Variants in DENND2B observed in about 807,000 individuals in gnomAD.
The protein encoded by DENND2B is DENN domain-containing protein 2B.
DENND2B carries 32 observed loss-of-function variants against 116.0 expected under a neutral mutation model. The observed-to-expected ratio is 0.28, with a 90% CI of 0.21 to 0.37. The LOEUF (loss-of-function observed/expected upper bound fraction) is 0.37, where lower values mean the gene tolerates loss of function less well. Ranked by LOEUF, DENND2B falls within the 10% of genes least tolerant of loss-of-function variation. The pLI is 1.00. For synonymous variants in DENND2B, 588 were observed against 583.9 expected (o/e 1.01, Z -0.10); for missense variants, 1,276 against 1,477.7 (o/e 0.86, Z 2.24).
chr11:8,886,134 C>T (rs2063958117), intron 1 of DENND2B, among the ~76,000 whole-genome samples: 1 of 151,982 alleles, frequency 6.6e-6, no homozygotes. Context: ...AAGGTCTCAC[C>T]ATGTTGTCCA....
chr11:8,731,637 C>G (rs1399491047), intron 2 of DENND2B, among the ~76,000 whole-genome samples: 1 of 152,112 alleles, frequency 6.6e-6, no homozygotes, highest in Non-Finnish European at 1.5e-5. Context: ...ATCGCTTGAG[C>G]CCAGCAGTTC....
chr11:8,698,166 A>G (rs7110918), intron 16 of DENND2B, among the ~76,000 whole-genome samples: 5,642 of 129,128 alleles, frequency 0.044, 452 homozygotes, highest in African/African-American at 0.13. Flanking sequence ...AAAAAAAAAA[A>G]GGGGGTAGAG....
chr11:8,818,416 G>A (rs774755399), intron 4 of DENND2B, among the ~76,000 whole-genome samples: 6 of 151,966 alleles, frequency 3.9e-5, no homozygotes, highest in Non-Finnish European at 7.4e-5. Flanking sequence ...GTATTAAGAG[G>A]AATGTGGACT....
chr11:8,728,806 G>C (rs1341821500), intron 3 of DENND2B, among the ~76,000 whole-genome samples: 2 of 152,202 alleles, frequency 1.3e-5, no homozygotes, highest in Non-Finnish European at 2.9e-5. Context: ...GTCCTTGAAT[G>C]GAAGAACCAT....
At chr11:8,821,479 T>C (rs1347853419) in intron 4 of DENND2B, among the ~76,000 whole-genome samples, 1 of 150,992 alleles carries the variant, frequency 6.6e-6, no homozygotes, top group African/African-American at 2.4e-5. Context: ...CACAGGAGGT[T>C]GAAGTAGGAG....
intron 2 of DENND2B, among the ~76,000 whole-genome samples, chr11:8,867,779 C>T (rs2063636616): frequency 2.0e-5 from 3 of 151,930 alleles, no homozygotes; most frequent in Admixed American, 6.6e-5. Context: ...GACAGGGTTT[C>T]ACCATGTTGC....
intron 1 of DENND2B, among the ~76,000 whole-genome samples, chr11:8,801,682 A>AC: frequency 1.6e-5 from 1 of 63,814 alleles, no homozygotes; most frequent in Non-Finnish European, 4.3e-5. Context: ...GTCTCAAAAA[A>AC]AAAAAAAAAA....
chr11:8,909,463 G>GAGA (rs2064285982), intron 1 of DENND2B, among the ~76,000 whole-genome samples: 1 of 151,834 alleles, frequency 6.6e-6, no homozygotes, highest in East Asian at 1.9e-4. Flanking sequence ...GAAGGAGAAG[G>GAGA]AGAAGAAATG....
At chr11:8,718,646 G>T in intron 4 of DENND2B, 7 of 1,291,456 alleles carry the variant, frequency 5.4e-6, no homozygotes, top group Non-Finnish European at 6.9e-6. Flanking sequence ...TGACACAGGG[G>T]AGGTGTGAAA....
At chr11:8,908,208 C>T (rs1366673431) in intron 1 of DENND2B, among the ~76,000 whole-genome samples, 1 of 152,134 alleles carries the variant, frequency 6.6e-6, no homozygotes, top group African/African-American at 2.4e-5. Flanking sequence ...TGGAAAAGTA[C>T]ACACAAAAAA....
intron 2 of DENND2B, among the ~76,000 whole-genome samples, chr11:8,732,335 A>C (rs1231440515): frequency 6.6e-6 from 1 of 152,250 alleles, no homozygotes; most frequent in East Asian, 1.9e-4. Flanking sequence ...CAAATAAAAA[A>C]CACTAAGGCA....
rs374390626 is a variant in DENND2B, at chr11:8,891,015, GA to G, written c.-255-9907del. Among the ~76,000 whole-genome samples, 106 of 152,314 alleles carry G rather than the reference GA, an allele frequency of 7.0e-4. 3 individuals carry two copies. In the South Asian group the frequency reaches 0.021, roughly 31 times the overall value. On this transcript the variant is annotated intron_variant, in intron 1 of 22. Coordinates refer to the DENND2B transcript ENST00000534127. Reference sequence around the variant, plus strand: ...AGAAAGGTCAGGTTACCCTCAAAGTGAAGCCCATCAGACTAACAGTGGATCT... The same window carrying G: ...AGAAAGGTCAGGTTACCCTCAAAGTGAGCCCATCAGACTAACAGTGGATCT...
upstream of DENND2B, among the ~76,000 whole-genome samples, chr11:8,874,207 T>C (rs1436163814): frequency 8.5e-5 from 13 of 152,204 alleles, no homozygotes; most frequent in African/African-American, 3.1e-4. Flanking sequence ...TAATGAAAGT[T>C]TCCTAATCTT....
rs186656822 is a variant in DENND2B, at chr11:8,762,801, G to A, written c.-25-12076C>T. On this transcript the variant is annotated intron_variant, in intron 1 of 19. Transcript: ENST00000313726. ...CTTGAACCCGGGAGGCAGAGGTTGC[G>A]GTGAGCCAAGATCGCGCCATTACAC... Among the ~76,000 whole-genome samples, 32 of 152,218 alleles carry A rather than the reference G, an allele frequency of 2.1e-4. No homozygotes were observed. In the East Asian group the frequency reaches 5.2e-3, roughly 25 times the overall value.
chr11:8,694,036 G>A lies in DENND2B; in HGVS notation c.*60C>T. The A allele has an allele frequency of 6.2e-7, 1 of 1,600,494 alleles. No homozygotes were observed. On this transcript the variant is annotated 3_prime_UTR_variant, in exon 20 of 20. Transcript: ENST00000313726. ...CAGCAGCCCAGAGGGTCCCAGGCTG[G>A]GCCTTCTCCCCAGGCTTCAGGCTCT...
At chr11:8,745,118 T>C (rs1053765324) in intron 2 of DENND2B, among the ~76,000 whole-genome samples, 1 of 152,026 alleles carries the variant, frequency 6.6e-6, no homozygotes, top group African/African-American at 2.4e-5. Flanking sequence ...GGTTTCACTA[T>C]GTTGTTGCCC....
chr11:8,799,115 C>A (rs1198949189), intron 1 of DENND2B, among the ~76,000 whole-genome samples: 1 of 152,206 alleles, frequency 6.6e-6, no homozygotes, highest in Non-Finnish European at 1.5e-5. Flanking sequence ...AGCCATTGCA[C>A]CCTGCCCTGG....
chr11:8,834,489 G>A (rs2062341949), intron 4 of DENND2B, among the ~76,000 whole-genome samples: 1 of 152,202 alleles, frequency 6.6e-6, no homozygotes, highest in Non-Finnish European at 1.5e-5. Flanking sequence ...TTTTCAAAGT[G>A]GGAGAATTTC....
upstream of DENND2B, among the ~76,000 whole-genome samples, chr11:8,812,428 T>C (rs751897596): frequency 3.9e-5 from 6 of 152,190 alleles, no homozygotes; most frequent in Non-Finnish European, 7.3e-5. Context: ...TCTTGGCTCG[T>C]CTGTTCAACA....
Sources: gnomAD v4.1 joint callset for allele counts (sites outside exome capture counted in the v4.1 genomes callset) on GRCh38, gnomAD v4.1.1 for gene constraint, MANE v1.5 for transcripts, NCBI Gene and HGNC (gene_info 2026-07-23, HGNC 2026-07-21) for gene names.